The following NELL1 variants were observed in gnomAD, a reference collection of about 807,000 sequenced individuals.
The protein encoded by NELL1 is protein kinase C-binding protein NELL1.
Under a neutral mutation model 107.4 loss-of-function variants are expected in NELL1, and 76 were observed. That is an observed-to-expected ratio of 0.71 (90% CI 0.59 to 0.86). The LOEUF (loss-of-function observed/expected upper bound fraction) is 0.86. Among genes scored for constraint, NELL1 ranks in the 40% least tolerant of loss-of-function variants. The pLI is 0.00. For synonymous variants in NELL1, 353 were observed against 341.2 expected, an observed-to-expected ratio of 1.03 and a Z score of -0.38; for missense variants, 1,024 against 1,005.5, an observed-to-expected ratio of 1.02 and a Z score of -0.25.
chr11:21,168,447 C>G (rs1048730446), intron 13 of NELL1, among the ~76,000 whole-genome samples: 2 of 151,692 alleles, frequency 1.3e-5, no homozygotes, highest in Non-Finnish European at 2.9e-5. Flanking sequence ...CTATCACATC[C>G]TCCTCCCTTT....
At chr11:20,987,743 C>T (rs979110051) in intron 12 of NELL1, among the ~76,000 whole-genome samples, 1 of 152,042 alleles carries the variant, frequency 6.6e-6, no homozygotes, top group Non-Finnish European at 1.5e-5. Flanking sequence ...ACTTAAATTT[C>T]GTTGTACCTC....
chr11:20,948,951 T>A (rs1234215291), intron 11 of NELL1, among the ~76,000 whole-genome samples: 1 of 151,052 alleles, frequency 6.6e-6, no homozygotes, highest in Non-Finnish European at 1.5e-5. Flanking sequence ...CATATTTTGC[T>A]TTTTTTTTCC....
rs144243494 is a variant in NELL1 at position 20,813,091 on chromosome 11, G to T, written c.335+29261G>T. Among the ~76,000 whole-genome samples the T allele has an allele frequency of 5.9e-3, 812 of 136,696 alleles. 8 individuals carry two copies. The highest frequency in any genetic ancestry group is 0.021 in the Middle Eastern group (5 of 234). 89.7% of individuals were successfully genotyped at this position (136,696 alleles called of 152,430 possible). A position where few individuals can be genotyped will look rare whatever the true frequency, so the allele number is the denominator to read the frequency against. ...GATGGAACTAGCTGAAAGCTAAATTGATTCCATGTATCACACCTTCAAAAC... is the reference window on the plus strand; with the variant it reads ...GATGGAACTAGCTGAAAGCTAAATTTATTCCATGTATCACACCTTCAAAAC... On this transcript the variant is annotated intron_variant, in intron 3 of 19. Transcript: ENST00000357134.
At chr11:20,899,624 T>C (rs1042270883) in intron 5 of NELL1, among the ~76,000 whole-genome samples, 7 of 151,996 alleles carry the variant, frequency 4.6e-5, no homozygotes, top group Admixed American at 4.6e-4. Context: ...CATGAAATCG[T>C]AAGAACAGAA....
intron 12 of NELL1, among the ~76,000 whole-genome samples, chr11:20,969,437 A>T (rs12578081): frequency 0.17 from 25,449 of 152,150 alleles, 2,532 homozygotes; most frequent in East Asian, 0.25. Context: ...AGGATGCTTT[A>T]TAATTAAGAG....
At chr11:21,116,715 T>C (rs1057246359) in intron 13 of NELL1, among the ~76,000 whole-genome samples, 2 of 152,004 alleles carry the variant, frequency 1.3e-5, no homozygotes, top group Admixed American at 6.6e-5. Flanking sequence ...TCTGTCTTGT[T>C]GATGCTACCC....
chr11:20,723,094 G>A (rs190018191), intron 2 of NELL1, among the ~76,000 whole-genome samples: 18 of 152,206 alleles, frequency 1.2e-4, no homozygotes, highest in Middle Eastern at 3.4e-3. Flanking sequence ...CTGACATGTG[G>A]GGATTACCAT....
chr11:21,469,765 G>C (rs897535902), intron 15 of NELL1, among the ~76,000 whole-genome samples: 3 of 152,048 alleles, frequency 2.0e-5, no homozygotes, highest in Non-Finnish European at 4.4e-5. Context: ...TATTATGTTT[G>C]AGATAAGCAA....
At chr11:21,227,640 T>C (rs1200847926) in intron 13 of NELL1, among the ~76,000 whole-genome samples, 1 of 152,220 alleles carries the variant, frequency 6.6e-6, no homozygotes, top group Non-Finnish European at 1.5e-5. Context: ...CGAGTGGACA[T>C]GCACAAGGGT....
chr11:21,241,128 A>C (rs1858346969), intron 14 of NELL1, among the ~76,000 whole-genome samples: 1 of 152,250 alleles, frequency 6.6e-6, no homozygotes, highest in East Asian at 1.9e-4. Context: ...TCAAGCAATC[A>C]GAATAAGATT....
chr11:20,789,621 G>T (rs1857036555), intron 3 of NELL1, among the ~76,000 whole-genome samples: 1 of 152,232 alleles, frequency 6.6e-6, no homozygotes, highest in Non-Finnish European at 1.5e-5. Context: ...GCCTCATTCA[G>T]TGAGTCCCAA....
chr11:21,434,494 T>G (rs953761398), intron 15 of NELL1, among the ~76,000 whole-genome samples: 3 of 152,184 alleles, frequency 2.0e-5, no homozygotes, highest in Admixed American at 6.5e-5. Context: ...TAAAATCAGA[T>G]GATTGTTAAT....
chr11:21,358,389 G>C (rs1281407862), intron 14 of NELL1, among the ~76,000 whole-genome samples: 1 of 151,398 alleles, frequency 6.6e-6, no homozygotes, highest in Non-Finnish European at 1.5e-5. Flanking sequence ...ATATTTGTAA[G>C]GTTTTTTTTG....
rs1554970390 is a variant in NELL1 at position 21,123,366 on chromosome 11, T to TGTGTGC, written c.1426+9653_1426+9654insTGTGCG. ...GTGTGTGTGTGTGTGTGTGTGTGTG[T>TGTGTGC]GCGTTTCCATGTATGTGTAGATCCA... On this transcript the variant is annotated intron_variant, in intron 13 of 19. Coordinates refer to ENST00000357134, the MANE Select transcript of NELL1 (RefSeq NM_006157.5). Among the ~76,000 whole-genome samples, 746 of 148,522 alleles carry TGTGTGC rather than the reference T, an allele frequency of 5.0e-3. 1 individual carries two copies. The highest frequency in any genetic ancestry group is 0.014 in the African/African-American group (573 of 40,280).
chr11:21,408,609 T>C (rs1316165097), intron 15 of NELL1, among the ~76,000 whole-genome samples: 19 of 151,980 alleles, frequency 1.3e-4, no homozygotes, highest in African/African-American at 4.3e-4. Flanking sequence ...TTCTCCCATT[T>C]TGTAGGTTGC....
At chr11:20,704,845 A>G (rs1386577471) in intron 2 of NELL1, among the ~76,000 whole-genome samples, 2 of 152,240 alleles carry the variant, frequency 1.3e-5, no homozygotes, top group Non-Finnish European at 2.9e-5. Flanking sequence ...GCAAAAATTC[A>G]CAGACATTCT....
At chr11:20,907,926 A>G (rs1284287246) in intron 5 of NELL1, among the ~76,000 whole-genome samples, 1 of 152,206 alleles carries the variant, frequency 6.6e-6, no homozygotes, top group Non-Finnish European at 1.5e-5. Context: ...GAAGACATTT[A>G]CACGGCCAAA....
chr11:21,244,403 A>G (rs1858439193), intron 14 of NELL1, among the ~76,000 whole-genome samples: 1 of 152,116 alleles, frequency 6.6e-6, no homozygotes, highest in African/African-American at 2.4e-5. Flanking sequence ...AAACATGGCA[A>G]TTTGTGGATA....
intron 2 of NELL1, among the ~76,000 whole-genome samples, chr11:20,755,556 G>GTTTTTTTTTTTT (rs1188989442): frequency 1.7e-4 from 4 of 23,366 alleles, no homozygotes; most frequent in African/African-American, 3.3e-4. Context: ...TTTTGTTTTT[G>GTTTTTTTTTTTT]TTTTTGTTTT....
Sources: gnomAD v4.1 joint callset for allele counts (sites outside exome capture counted in the v4.1 genomes callset) on GRCh38, gnomAD v4.1.1 for gene constraint, MANE v1.5 for transcripts, NCBI Gene and HGNC (gene_info 2026-07-23, HGNC 2026-07-21) for gene names.